DPYD: variants seen among roughly 807,000 people sequenced by gnomAD.
DPYD encodes the protein dihydropyrimidine dehydrogenase, also known as dihydropyrimidine dehydrogenase [NADP(+)].
Under a neutral mutation model 116.2 loss-of-function variants are expected in DPYD, and 109 were observed. The ratio of observed to expected loss-of-function variants is 0.94; its 90% CI spans 0.80 to 1.10. The LOEUF (loss-of-function observed/expected upper bound fraction) is 1.10, where lower values mean the gene tolerates loss of function less well. Among genes scored for constraint, DPYD ranks in the 50% least tolerant of loss-of-function variants. DPYD has a pLI of 0.00. For missense variants in DPYD, 1,302 were observed against 1,254.5 expected (o/e 1.04, Z -0.57); for synonymous variants, 440 against 432.0 (o/e 1.02, Z -0.23).
intron 18 of DPYD, among the ~76,000 whole-genome samples, chr1:97,239,200 A>C (rs79435028): frequency 0.017 from 2,541 of 152,276 alleles, 20 homozygotes; most frequent in South Asian, 0.031. Context: ...AACATTCTTG[A>C]ATTGATTCAT....
intron 12 of DPYD, among the ~76,000 whole-genome samples, chr1:97,530,025 T>C (rs376314967): frequency 2.0e-5 from 3 of 151,854 alleles, no homozygotes; most frequent in Admixed American, 6.6e-5. Flanking sequence ...TATTGTCTAT[T>C]TCTATACATT....
At chr1:97,086,285 T>C (rs1353389458) in intron 21 of DPYD, among the ~76,000 whole-genome samples, 2 of 151,908 alleles carry the variant, frequency 1.3e-5, no homozygotes, top group Non-Finnish European at 2.9e-5. Flanking sequence ...ACTCTTGACC[T>C]TGTGTCCACC....
chr1:97,128,241 A>G (rs914430662), intron 20 of DPYD, among the ~76,000 whole-genome samples: 3 of 152,178 alleles, frequency 2.0e-5, no homozygotes, highest in African/African-American at 7.2e-5. Context: ...CATCATATAT[A>G]TTATTTAGGC....
chr1:97,418,297 TATAAG>T (rs1029148090), intron 14 of DPYD, among the ~76,000 whole-genome samples: 1 of 143,528 alleles, frequency 7.0e-6, no homozygotes, highest in Non-Finnish European at 1.5e-5. Context: ...TTGAGATAGA[TATAAG>T]ATGATTTTTT....
intron 4 of DPYD, among the ~76,000 whole-genome samples, chr1:97,726,031 G>T (rs760090779): frequency 2.6e-5 from 4 of 151,382 alleles, no homozygotes; most frequent in Non-Finnish European, 5.9e-5. Context: ...AAAGGAGTGG[G>T]AATTATATAC....
intron 8 of DPYD, among the ~76,000 whole-genome samples, chr1:97,600,294 A>G (rs1655169562): frequency 6.6e-6 from 1 of 152,106 alleles, no homozygotes; most frequent in Non-Finnish European, 1.5e-5. Context: ...ATGTTATGTT[A>G]CTCAGTCCTT....
intron 12 of DPYD, among the ~76,000 whole-genome samples, chr1:97,537,079 T>G (rs1450610115): frequency 1.3e-5 from 2 of 152,236 alleles, no homozygotes; most frequent in African/African-American, 2.4e-5. Context: ...AACAAGTGTC[T>G]TTTATTTAAA....
chr1:97,131,364 A>G (rs946013978), intron 20 of DPYD, among the ~76,000 whole-genome samples: 2 of 152,132 alleles, frequency 1.3e-5, no homozygotes, highest in Non-Finnish European at 2.9e-5. Context: ...TCTGAAAGAG[A>G]ATGGTACTTT....
intron 2 of DPYD, 63 bp from the exon 3 acceptor site, chr1:97,828,259 G>T: frequency 6.8e-7 from 1 of 1,480,180 alleles, no homozygotes; most frequent in Non-Finnish European, 9.3e-7. Context: ...TATCTATGCA[G>T]TTATGCAAAA....
At chr1:97,277,252 TG>T (rs939386193) in intron 18 of DPYD, among the ~76,000 whole-genome samples, 2 of 152,058 alleles carry the variant, frequency 1.3e-5, no homozygotes, top group Admixed American at 1.3e-4. Context: ...AACAACTCAC[TG>T]GGTACTAAGC....
intron 13 of DPYD, among the ~76,000 whole-genome samples, chr1:97,513,845 A>C (rs1170984028): frequency 6.6e-6 from 1 of 151,874 alleles, no homozygotes; most frequent in Non-Finnish European, 1.5e-5. Flanking sequence ...GAAACAAAAA[A>C]AGTAGACCTC....
At chr1:97,727,333 G>A (rs1303896034) in intron 4 of DPYD, among the ~76,000 whole-genome samples, 1 of 151,746 alleles carries the variant, frequency 6.6e-6, no homozygotes, top group Non-Finnish European at 1.5e-5. Context: ...CAATTTGGCT[G>A]AGGTAATTCA....
intron 4 of DPYD, among the ~76,000 whole-genome samples, chr1:97,732,933 A>G (rs2101052351): frequency 6.6e-6 from 1 of 152,264 alleles, no homozygotes; most frequent in Non-Finnish European, 1.5e-5. Context: ...AAGCTAGGAT[A>G]CTTTGAAAAT....
At chr1:97,846,422 T>C (rs1670305393) in intron 2 of DPYD, among the ~76,000 whole-genome samples, 1 of 152,230 alleles carries the variant, frequency 6.6e-6, no homozygotes, top group South Asian at 2.1e-4. Context: ...ATCTGATTTA[T>C]AGATAGTTGT....
At chr1:97,134,806 T>TA (rs1471035942) in intron 20 of DPYD, among the ~76,000 whole-genome samples, 1 of 152,150 alleles carries the variant, frequency 6.6e-6, no homozygotes, top group Non-Finnish European at 1.5e-5. Context: ...GCCCTCGGCA[T>TA]AATGATGAAG....
chr1:97,416,218 G>A (rs991978451), intron 14 of DPYD, among the ~76,000 whole-genome samples: 6 of 152,018 alleles, frequency 3.9e-5, no homozygotes, highest in South Asian at 2.1e-4. Flanking sequence ...CTTATAGCTC[G>A]GAAAGGACTT....
intron 20 of DPYD, among the ~76,000 whole-genome samples, chr1:97,172,994 G>T (rs11165798): frequency 2.6e-5 from 4 of 151,778 alleles, no homozygotes; most frequent in Non-Finnish European, 5.9e-5. Context: ...CCATAACTCC[G>T]ATAGCATAAT....
intron 16 of DPYD, among the ~76,000 whole-genome samples, chr1:97,325,415 T>C (rs534896437): frequency 6.6e-6 from 1 of 152,172 alleles, no homozygotes; most frequent in Admixed American, 6.6e-5. Flanking sequence ...CTTACTGCTT[T>C]TTCCTTTTTT....
At chr1:97,137,268 T>C (rs986204457) in intron 20 of DPYD, among the ~76,000 whole-genome samples, 4 of 152,246 alleles carry the variant, frequency 2.6e-5, no homozygotes, top group Non-Finnish European at 5.9e-5. Flanking sequence ...CCCACAATGC[T>C]TTCAGCATAT....
Sources: allele counts gnomAD v4.1 joint callset (sites outside exome capture counted in the v4.1 genomes callset), GRCh38; gene constraint gnomAD v4.1.1; transcripts MANE v1.5; gene names NCBI Gene and HGNC (gene_info 2026-07-23, HGNC 2026-07-21).